The following ARHGAP25 variants were observed in gnomAD, a reference collection of about 807,000 sequenced individuals.
The protein encoded by ARHGAP25 is Rho GTPase activating protein 25.
A neutral mutation model predicts 71.0 loss-of-function variants in ARHGAP25; 34 were observed. The ratio of observed to expected loss-of-function variants is 0.48; its 90% CI spans 0.36 to 0.64. The LOEUF (loss-of-function observed/expected upper bound fraction) is 0.64, where lower values mean the gene tolerates loss of function less well. ARHGAP25 is among the 30% of genes least tolerant of loss of function. ARHGAP25 has a pLI of 0.00. For synonymous variants in ARHGAP25, 282 were observed against 296.5 expected, an observed-to-expected ratio of 0.95 and a Z score of 0.50; for missense variants, 706 against 805.1, an observed-to-expected ratio of 0.88 and a Z score of 1.49.
chr2:68,723,693 T>C (rs1257123161), intron 2 of ARHGAP25, among the ~76,000 whole-genome samples: 7 of 152,168 alleles, frequency 4.6e-5, no homozygotes, highest in African/African-American at 9.6e-5. Context: ...GCCCTGGTGT[T>C]TTCTCTAGCA....
At chr2:68,753,889 C>T (rs1158816957) in intron 1 of ARHGAP25, among the ~76,000 whole-genome samples, 1 of 149,936 alleles carries the variant, frequency 6.7e-6, no homozygotes, top group Admixed American at 6.7e-5. Context: ...TTTAAATGGT[C>T]ATTCGGTAAG....
intron 1 of ARHGAP25, among the ~76,000 whole-genome samples, chr2:68,753,933 C>T (rs137873571): frequency 4.2e-4 from 61 of 146,462 alleles, no homozygotes; most frequent in African/African-American, 1.5e-3. Flanking sequence ...GATGGAGTCT[C>T]GCTCTGTCAC....
chr2:68,728,941 A>T (rs909485224), intron 2 of ARHGAP25, among the ~76,000 whole-genome samples: 2 of 152,258 alleles, frequency 1.3e-5, no homozygotes, highest in African/African-American at 4.8e-5. Flanking sequence ...GTTCTGATAC[A>T]TGCTGCAATA....
chr2:68,729,127 G>C (rs2104266959), intron 2 of ARHGAP25, among the ~76,000 whole-genome samples: 1 of 152,322 alleles, frequency 6.6e-6, no homozygotes, highest in Non-Finnish European at 1.5e-5. Flanking sequence ...GTCTGCTAAT[G>C]GGTATGGAGT....
Position 68,782,264 on chromosome 2 carries a change from A to C in ARHGAP25, c.293A>C (p.Lys98Thr). ...GCMYLPGCTI[K>T]EIATNPEEAG... ...ATGTATCTACCAGGATGTACAATCAAGGAGATCGCCACAAACCCAGAAGAA... is the reference window on the plus strand; with the variant it reads ...ATGTATCTACCAGGATGTACAATCACGGAGATCGCCACAAACCCAGAAGAA... The change falls in exon 3 of 11, where the codon AAG (lysine) becomes ACG (threonine). Residue 98 changes from lysine (K) to threonine (T), a missense_variant. Transcript: ENST00000409202. 6.2e-7 allele frequency: 1 copy of C among 1,614,160 alleles called. No individual in the cohort carries two copies. Among genetic ancestry groups the C allele is most frequent in the Non-Finnish European group, 8.5e-7 (1 of 1,180,006 alleles).
chr2:68,730,641 C>T (rs1430066599), upstream of ARHGAP25, among the ~76,000 whole-genome samples: 1 of 148,434 alleles, frequency 6.7e-6, no homozygotes, highest in Admixed American at 6.7e-5. Flanking sequence ...CAGAGTGAGA[C>T]CCTGTCTCAG....
At chr2:68,730,311 G>A (rs1024124881), upstream of ARHGAP25, among the ~76,000 whole-genome samples, 10 of 152,072 alleles carry the variant, frequency 6.6e-5, no homozygotes, top group African/African-American at 1.4e-4. Context: ...GATTATGCAC[G>A]GACTTCTGTA....
intron 1 of ARHGAP25, among the ~76,000 whole-genome samples, chr2:68,744,574 C>T (rs1334383056): frequency 6.6e-6 from 1 of 152,174 alleles, no homozygotes; most frequent in African/African-American, 2.4e-5. Context: ...GTGACTGTGA[C>T]ATTTAAAAAG....
chr2:68,715,575 G>C (rs915799965), intron 2 of ARHGAP25, among the ~76,000 whole-genome samples: 1 of 152,090 alleles, frequency 6.6e-6, no homozygotes. Context: ...ATTGCACCGG[G>C]TGCTTTCCCG....
intron 2 of ARHGAP25, among the ~76,000 whole-genome samples, chr2:68,777,430 G>A (rs755054693): frequency 6.6e-6 from 1 of 152,188 alleles, no homozygotes; most frequent in African/African-American, 2.4e-5. Context: ...ATGATATAAA[G>A]CAGGTATAAA....
chr2:68,760,976 C>A (rs1045499455), intron 1 of ARHGAP25, among the ~76,000 whole-genome samples: 5 of 150,756 alleles, frequency 3.3e-5, no homozygotes, highest in Admixed American at 1.3e-4. Context: ...TAGAGTAAAC[C>A]AAAACAGTGT....
intron 4 of ARHGAP25, among the ~76,000 whole-genome samples, chr2:68,803,209 T>C (rs559574671): frequency 1.3e-4 from 20 of 152,204 alleles, no homozygotes; most frequent in African/African-American, 4.6e-4. Flanking sequence ...CAAAGACACT[T>C]GAAAGGAGTC....
chr2:68,816,076 C>A, intron 6 of ARHGAP25: 5 of 621,324 alleles, frequency 8.0e-6, no homozygotes, highest in Non-Finnish European at 1.5e-5. Flanking sequence ...TAAAAGTATA[C>A]ATAACAAAAA....
chr2:68,803,016 T>G (rs6730571), intron 4 of ARHGAP25, among the ~76,000 whole-genome samples: 59,875 of 151,004 alleles, frequency 0.4, 12,589 homozygotes, highest in Middle Eastern at 0.5. Flanking sequence ...TATATATATA[T>G]ATAGAGAGAG....
At chr2:68,719,117 T>C (rs1370732962) in intron 2 of ARHGAP25, among the ~76,000 whole-genome samples, 2 of 152,130 alleles carry the variant, frequency 1.3e-5, no homozygotes, top group Non-Finnish European at 2.9e-5. Flanking sequence ...CCAGACCTCA[T>C]CCTATATACC....
In ARHGAP25 at chr2:68,735,143, G is replaced by C; in HGVS notation, c.-57G>C. The stretch of plus-strand genomic sequence containing the variant: ...GGGAAAGAGTGAAAAGACAAGAAGG[G>C]CGCAAACTGTGACAGACTCACCGCT... On this transcript the variant is annotated 5_prime_UTR_variant, in exon 1 of 11. Coordinates refer to ENST00000409202, the MANE Select transcript of ARHGAP25 (RefSeq NM_001007231.3). The C allele has an allele frequency of 7.0e-7, 1 of 1,419,350 alleles. No homozygotes were observed. Among genetic ancestry groups the C allele is most frequent in the South Asian group, 1.1e-5 (1 of 87,192 alleles). The allele number at this position is 1,419,350 out of a possible 1,614,324, so 87.9% of individuals were successfully genotyped here.
At chr2:68,781,980 C>A (rs1678372853) in intron 2 of ARHGAP25, among the ~76,000 whole-genome samples, 2 of 152,118 alleles carry the variant, frequency 1.3e-5, no homozygotes. Flanking sequence ...GGTGATGACA[C>A]CCTCTTAGCT....
chr2:68,771,433 TA>T (rs946210825), intron 1 of ARHGAP25, among the ~76,000 whole-genome samples: 8 of 152,342 alleles, frequency 5.3e-5, no homozygotes, highest in Admixed American at 5.2e-4. Context: ...GCTCCATTAA[TA>T]GTAACAGATC....
intron 1 of ARHGAP25, among the ~76,000 whole-genome samples, chr2:68,746,977 C>T (rs1037512557): frequency 6.8e-6 from 1 of 147,028 alleles, no homozygotes; most frequent in Non-Finnish European, 1.5e-5. Flanking sequence ...CACTGTACTC[C>T]AGCCCAGGCA....
Sources: gnomAD v4.1 joint callset for allele counts (sites outside exome capture counted in the v4.1 genomes callset) on GRCh38, gnomAD v4.1.1 for gene constraint, MANE v1.5 for transcripts, NCBI Gene and HGNC (gene_info 2026-07-23, HGNC 2026-07-21) for gene names.